Variants in TMEM233 observed in about 807,000 individuals in gnomAD.
The protein encoded by TMEM233 is transmembrane protein 233.
Under a neutral mutation model 11.2 loss-of-function variants are expected in TMEM233, and 6 were observed. The ratio of observed to expected loss-of-function variants is 0.54; its 90% confidence interval spans 0.29 to 1.06. The LOEUF (loss-of-function observed/expected upper bound fraction) is 1.06. Among genes scored for constraint, TMEM233 ranks in the 50% least tolerant of loss-of-function variants. TMEM233 has a pLI of 0.08. For missense variants in TMEM233, 127 were observed against 144.7 expected, an observed-to-expected ratio of 0.88 and a Z score of 0.63; for synonymous variants, 59 against 55.8, an observed-to-expected ratio of 1.06 and a Z score of -0.26.
chr12:119,596,101 C>T (rs1954041897), intron 1 of TMEM233, among the ~76,000 whole-genome samples: 1 of 152,352 alleles, frequency 6.6e-6, no homozygotes, highest in African/African-American at 2.4e-5. Context: ...CAGCCAATTT[C>T]CTCCCTTCCT....
chr12:119,614,023 C>A (rs1034858746), intron 1 of TMEM233, among the ~76,000 whole-genome samples: 9 of 151,766 alleles, frequency 5.9e-5, no homozygotes, highest in Non-Finnish European at 1.3e-4. Context: ...CCTGCAGGGG[C>A]CACTCCTGCA....
chr12:119,651,952 A>G, the TMEM233 span, among the ~76,000 whole-genome samples: 1 of 152,170 alleles, frequency 6.6e-6, no homozygotes, highest in South Asian at 2.1e-4. Flanking sequence ...ATGAAAAGTT[A>G]GTCCACCTCA....
intron 2 of TMEM233, among the ~76,000 whole-genome samples, chr12:119,633,247 G>C (rs1954919596): frequency 1.3e-5 from 2 of 152,018 alleles, no homozygotes; most frequent in Admixed American, 1.3e-4. Flanking sequence ...TTCCCCATCT[G>C]TAAGGTCAAA....
chr12:119,645,989 G>T (rs1955146765), downstream of TMEM233, among the ~76,000 whole-genome samples: 1 of 152,046 alleles, frequency 6.6e-6, no homozygotes, highest in Non-Finnish European at 1.5e-5. Context: ...AGGACCTAAA[G>T]CACGCCTAGA....
chr12:119,632,099 A>G (rs1240132037), intron 2 of TMEM233, among the ~76,000 whole-genome samples: 1 of 152,228 alleles, frequency 6.6e-6, no homozygotes, highest in African/African-American at 2.4e-5. Context: ...TGCCTAGATT[A>G]GTGTTTGAGC....
chr12:119,644,481 T>C (rs1349745597), downstream of TMEM233, among the ~76,000 whole-genome samples: 1 of 130,094 alleles, frequency 7.7e-6, no homozygotes, highest in African/African-American at 4.0e-5. Flanking sequence ...TTCTTTTCTT[T>C]TTTTTTTTTT....
chr12:119,628,998 T>C (rs925359651), intron 1 of TMEM233, among the ~76,000 whole-genome samples: 1 of 152,282 alleles, frequency 6.6e-6, no homozygotes, highest in Non-Finnish European at 1.5e-5. Flanking sequence ...CCATGGGCCA[T>C]GATTTGCAAA....
chr12:119,637,449 C>G (rs1033583344), intron 2 of TMEM233, among the ~76,000 whole-genome samples: 15 of 152,306 alleles, frequency 9.8e-5, no homozygotes, highest in Non-Finnish European at 1.9e-4. Context: ...CTCTCATAAG[C>G]AAATTGAAAT....
the TMEM233 span, among the ~76,000 whole-genome samples, chr12:119,652,986 GA>G: frequency 3.3e-5 from 5 of 152,136 alleles, no homozygotes; most frequent in Non-Finnish European, 5.9e-5. Flanking sequence ...CGTAACATAA[GA>G]ACGAGTCACT....
At chr12:119,653,111 G>A in the TMEM233 span, among the ~76,000 whole-genome samples, 17 of 152,024 alleles carry the variant, frequency 1.1e-4, no homozygotes, top group African/African-American at 4.1e-4. Flanking sequence ...TAAAATCACT[G>A]GGCCGGGCAC....
At chr12:119,634,261 T>C (rs1954934966) in intron 2 of TMEM233, 17 of 985,362 alleles carry the variant, frequency 1.7e-5, no homozygotes, top group Non-Finnish European at 1.9e-5. Flanking sequence ...AGTCGAAGCC[T>C]GAAGATGAGC....
intron 1 of TMEM233, among the ~76,000 whole-genome samples, chr12:119,604,924 T>A (rs898014219): frequency 7.2e-5 from 11 of 152,086 alleles, no homozygotes; most frequent in African/African-American, 2.7e-4. Flanking sequence ...TGAGACACCA[T>A]GCCTGGCTAA....
chr12:119,608,443 G>A (rs1400489100), intron 1 of TMEM233, among the ~76,000 whole-genome samples: 1 of 152,200 alleles, frequency 6.6e-6, no homozygotes, highest in Non-Finnish European at 1.5e-5. Flanking sequence ...TTTGATTATA[G>A]CAAAGTCCAA....
the TMEM233 span, among the ~76,000 whole-genome samples, chr12:119,650,507 A>G: frequency 3.3e-5 from 5 of 152,224 alleles, no homozygotes; most frequent in Non-Finnish European, 7.3e-5. Context: ...GCAATGACCT[A>G]ATAGCCTATT....
chr12:119,619,031 G>A (rs772421565), intron 1 of TMEM233, among the ~76,000 whole-genome samples: 1 of 152,160 alleles, frequency 6.6e-6, no homozygotes, highest in Non-Finnish European at 1.5e-5. Flanking sequence ...GGAAGTAGCT[G>A]AATCATGTGG....
intron 2 of TMEM233, chr12:119,634,273 C>T: frequency 3.0e-6 from 3 of 985,256 alleles, no homozygotes; most frequent in Non-Finnish European, 3.6e-6. Flanking sequence ...AAGATGAGCC[C>T]AAAACCCATG....
In TMEM233 at chr12:119,594,134, C is replaced by A; in HGVS notation, c.186+100C>A. ...GCGCTCTCTGCGGCTCCCTTCCTCA[C>A]GGCCCGGCCCGCGCTAGGTGTTCTT... is the stretch of plus-strand genomic sequence containing the variant. On this transcript the variant is annotated intron_variant, in intron 1 of 2. Transcript: ENST00000426426. The surrounding 1 kb of genome is among the most constrained non-coding windows in gnomAD (Gnocchi z 5.6). 2.5e-6 allele frequency: 3 copies of A among 1,204,774 alleles called. No individual in the cohort carries two copies. The highest frequency in any genetic ancestry group is 3.5e-6 in the Non-Finnish European group (3 of 864,830). The allele number at this position is 1,204,774 out of a possible 1,614,324, so 74.6% of individuals were successfully genotyped here.
Position 119,622,375 on chromosome 12 carries a change from T to C in TMEM233, c.187-7361T>C, listed in dbSNP as rs528695669. Among the ~76,000 whole-genome samples the C allele has an allele frequency of 2.3e-3, 346 of 152,344 alleles. 1 individual carries two copies. The highest frequency in any genetic ancestry group is 3.8e-3 in the Non-Finnish European group (257 of 68,024). On this transcript the variant is annotated intron_variant, in intron 1 of 2. Transcript: ENST00000426426. Reference sequence around the variant, plus strand: ...ACATGTTCACAAATTGCATTAGTAATTTTTAAAAGAACAAATAAGATCATA... The same window carrying C: ...ACATGTTCACAAATTGCATTAGTAACTTTTAAAAGAACAAATAAGATCATA...
At chr12:119,602,223 T>C (rs758156828) in intron 1 of TMEM233, among the ~76,000 whole-genome samples, 45 of 152,190 alleles carry the variant, frequency 3.0e-4, no homozygotes, top group Non-Finnish European at 1.2e-4. Context: ...CTGCTTCAAG[T>C]GGACTTCAGC....
Sources: allele counts gnomAD v4.1 joint callset (sites outside exome capture counted in the v4.1 genomes callset), GRCh38; gene constraint gnomAD v4.1.1; non-coding constraint Gnocchi (gnomAD v3.1); transcripts MANE v1.5; gene names NCBI Gene and HGNC (gene_info 2026-07-23, HGNC 2026-07-21).